SGMS1: variants seen among roughly 807,000 people sequenced by gnomAD.
SGMS1 encodes phosphatidylcholine:ceramide cholinephosphotransferase 1.
A neutral mutation model predicts 46.2 loss-of-function variants in SGMS1; 13 were observed. That is an observed-to-expected ratio of 0.28 (90% confidence interval 0.18 to 0.45). SGMS1 has a LOEUF of 0.45. SGMS1 is among the 20% of genes least tolerant of loss of function. The pLI is 1.00. For missense variants in SGMS1, 324 were observed against 519.9 expected, an observed-to-expected ratio of 0.62 and a Z score of 3.66; for synonymous variants, 203 against 187.8, an observed-to-expected ratio of 1.08 and a Z score of -0.66.
intron 6 of SGMS1, among the ~76,000 whole-genome samples, chr10:50,381,104 C>T (rs1226006125): frequency 1.3e-5 from 2 of 151,214 alleles, no homozygotes; most frequent in Non-Finnish European, 2.9e-5. Flanking sequence ...GCTGAGATTA[C>T]AAGTGTGAGC....
chr10:50,358,007 TG>T (rs2133404640), intron 6 of SGMS1, among the ~76,000 whole-genome samples: 1 of 152,274 alleles, frequency 6.6e-6, no homozygotes, highest in South Asian at 2.1e-4. Context: ...CACCTGGACA[TG>T]GTGGTTCATG....
At chr10:50,496,888 A>G (rs991381087) in intron 3 of SGMS1, among the ~76,000 whole-genome samples, 8 of 152,220 alleles carry the variant, frequency 5.3e-5, no homozygotes, top group Admixed American at 4.6e-4. Flanking sequence ...AGCTTTTGGC[A>G]TCCAAGTAGT....
chr10:50,399,145 A>T (rs185669855), intron 6 of SGMS1, among the ~76,000 whole-genome samples: 140 of 151,782 alleles, frequency 9.2e-4, no homozygotes, highest in African/African-American at 2.9e-3. Flanking sequence ...TGAATTATAT[A>T]GAAAATATAC....
chr10:50,459,385 A>G (rs920076257), intron 5 of SGMS1, among the ~76,000 whole-genome samples: 1 of 152,226 alleles, frequency 6.6e-6, no homozygotes, highest in Non-Finnish European at 1.5e-5. Context: ...AAAAGTAGAG[A>G]AGACTAAAAT....
intron 2 of SGMS1, among the ~76,000 whole-genome samples, chr10:50,542,355 T>A (rs1034999592): frequency 6.6e-6 from 1 of 152,154 alleles, no homozygotes; most frequent in African/African-American, 2.4e-5. Flanking sequence ...TTAAAAAAAA[T>A]CACTGTTTTG....
In SGMS1 at chr10:50,354,059, A is replaced by G. The variant is rs575779131; in HGVS notation, c.-231-9714T>C. ...CAATGCCATCCCCATCAAGCTACCA[A>G]TGACTTTCTTCACAGAATTGGAAAA... On this transcript the variant is annotated intron_variant, in intron 6 of 10. Transcript: ENST00000361781. 1.9e-4 allele frequency among the ~76,000 whole-genome samples: 29 copies of G among 151,578 alleles called. No individual in the cohort carries two copies. The East Asian group carries it at 2.5e-3, about 13-fold the overall frequency.
intron 3 of SGMS1, among the ~76,000 whole-genome samples, chr10:50,488,278 T>C (rs1211896156): frequency 6.6e-6 from 1 of 152,100 alleles, no homozygotes; most frequent in Admixed American, 6.5e-5. Context: ...CCACCCAAAC[T>C]GGCTGGGATT....
intron 5 of SGMS1, among the ~76,000 whole-genome samples, chr10:50,435,310 T>C (rs1450423630): frequency 1.3e-5 from 2 of 152,220 alleles, no homozygotes; most frequent in Admixed American, 6.5e-5. Context: ...GTGTCCATCA[T>C]ACAATTAGTT....
rs780728320 is a variant in SGMS1, at chr10:50,343,902, G to T, written c.213C>A (p.His71Gln). Residue 71 changes from histidine to glutamine, a missense_variant, in exon 7 of 11, where the codon CAC becomes CAA. His to Gln is a conservative substitution (Grantham distance 24). Transcript: ENST00000361781. ...GGCCGTTCTTGTGTGCTTCCAAATG[G>T]TGCTCCATTTTCAGGGTTTCTATCA... Reference protein sequence around the residue: ...LDMIETLKMEHHLEAHKNGHA... With the variant: ...LDMIETLKMEQHLEAHKNGHA... 1 of 1,613,994 alleles carries T rather than the reference G, an allele frequency of 6.2e-7. No homozygotes were observed. Among genetic ancestry groups the T allele is most frequent in the African/African-American group, 1.3e-5 (1 of 74,890 alleles).
intron 6 of SGMS1, among the ~76,000 whole-genome samples, chr10:50,393,193 C>A (rs1218585184): frequency 6.6e-6 from 1 of 152,148 alleles, no homozygotes; most frequent in Non-Finnish European, 1.5e-5. Flanking sequence ...TACAGCATTC[C>A]TTGAACAAAG....
intron 2 of SGMS1, among the ~76,000 whole-genome samples, chr10:50,534,675 T>C (rs73318727): frequency 0.016 from 2,433 of 152,334 alleles, 64 homozygotes; most frequent in African/African-American, 0.055. Context: ...CATAGTTGAA[T>C]AGTATGCAGC....
At chr10:50,553,080 A>G (rs1838161772) in intron 2 of SGMS1, among the ~76,000 whole-genome samples, 1 of 152,194 alleles carries the variant, frequency 6.6e-6, no homozygotes, top group Admixed American at 6.5e-5. Flanking sequence ...AATGAAAACA[A>G]CCACGGTGCC....
chr10:50,407,139 G>A (rs532774094), intron 6 of SGMS1, among the ~76,000 whole-genome samples: 7 of 152,244 alleles, frequency 4.6e-5, no homozygotes, highest in East Asian at 3.9e-4. Flanking sequence ...CAGTGGCAAC[G>A]TGCACAAGTA....
At chr10:50,550,628 G>A (rs987617440) in intron 2 of SGMS1, among the ~76,000 whole-genome samples, 1 of 152,074 alleles carries the variant, frequency 6.6e-6, no homozygotes, top group African/African-American at 2.4e-5. Context: ...CTGCTACCCT[G>A]GCATGCCCTG....
chr10:50,571,908 A>G (rs117483202), intron 2 of SGMS1, among the ~76,000 whole-genome samples: 683 of 152,246 alleles, frequency 4.5e-3, no homozygotes, highest in Admixed American at 0.011. Flanking sequence ...AGTCACAGCA[A>G]TTGCACCTAG....
At position 50,365,231 on chromosome 10, in the gene SGMS1, C is replaced by A. The variant is rs1243980038; in HGVS notation, c.-231-20886G>T. Reference sequence around the variant, plus strand: ...TCGTGCTACTGCACTCCAGCCTGGGCGACGGAGTGAGACTCCATCTCACCA... The same window carrying A: ...TCGTGCTACTGCACTCCAGCCTGGGAGACGGAGTGAGACTCCATCTCACCA... On this transcript the variant is annotated intron_variant, in intron 6 of 10. Coordinates refer to ENST00000361781, the MANE Select transcript of SGMS1 (RefSeq NM_147156.4). Among the ~76,000 whole-genome samples the A allele has an allele frequency of 4.8e-5, 4 of 83,730 alleles. No homozygotes were observed. In the South Asian group the frequency reaches 1.4e-3, roughly 29 times the overall value. 54.9% of individuals were successfully genotyped at this position (83,730 alleles called of 152,430 possible).
chr10:50,623,743 C>G lies in SGMS1; in HGVS notation c.-720G>C. The G allele has an allele frequency of 1.0e-6, 1 of 985,430 alleles. No homozygotes were observed. Among genetic ancestry groups the G allele is most frequent in the Non-Finnish European group, 1.2e-6 (1 of 829,932 alleles). The allele number at this position is 985,430 out of a possible 1,614,324, so 61.0% of individuals were successfully genotyped here. A position where few individuals can be genotyped will look rare whatever the true frequency, so the allele number is the denominator to read the frequency against. ...TCACGGCAGCCGCCGGAATTCCGCT[C>G]GCGGAGCCCCCGCCGCGGAATGAAA... On this transcript the variant is annotated 5_prime_UTR_variant, in exon 1 of 11. Coordinates refer to ENST00000361781, the MANE Select transcript of SGMS1 (RefSeq NM_147156.4).
intron 6 of SGMS1, among the ~76,000 whole-genome samples, chr10:50,422,601 C>A (rs2133598571): frequency 6.6e-6 from 1 of 152,306 alleles, no homozygotes; most frequent in Non-Finnish European, 1.5e-5. Context: ...AAGTAAGGAA[C>A]ACATAGATAC....
intron 3 of SGMS1, among the ~76,000 whole-genome samples, chr10:50,473,150 TA>T (rs140010530): frequency 4.6e-5 from 7 of 151,214 alleles, no homozygotes; most frequent in South Asian, 2.1e-4. Flanking sequence ...TGTTAATGCT[TA>T]AAAAAAAATA....
Sources: allele counts gnomAD v4.1 joint callset (sites outside exome capture counted in the v4.1 genomes callset), GRCh38; gene constraint gnomAD v4.1.1; transcripts MANE v1.5; gene names NCBI Gene and HGNC (gene_info 2026-07-23, HGNC 2026-07-21).